Variants in BICC1 observed in about 807,000 individuals in gnomAD.
The protein encoded by BICC1 is protein bicaudal C homolog 1.
BICC1 carries 43 observed loss-of-function variants against 111.0 expected under a neutral mutation model. The observed-to-expected ratio is 0.39, with a 90% CI of 0.30 to 0.50. The LOEUF (loss-of-function observed/expected upper bound fraction) is 0.50. BICC1 is among the 20% of genes least tolerant of loss of function. BICC1 has a pLI of 0.88. For missense variants in BICC1, 1,091 were observed against 1,203.2 expected (o/e 0.91, Z 1.38); for synonymous variants, 467 against 434.4 (o/e 1.07, Z -0.93).
rs769244104 is a variant in BICC1 at position 58,513,281 on chromosome 10, G to T, written c.138G>T (p.Trp46Cys). 3.7e-6 allele frequency: 6 copies of T among 1,612,366 alleles called. No individual in the cohort carries two copies. The highest frequency in any genetic ancestry group is 5.1e-6 in the Non-Finnish European group (6 of 1,179,144). The change falls in exon 1 of 21, where the codon TGG (tryptophan) becomes TGT (cysteine). Residue 46 changes from tryptophan to cysteine, a missense_variant. This residue lies in a region of BICC1 where 843 missense variants were observed against 900.8 expected (regional missense o/e 0.94). Transcript: ENST00000373886. ...GGGCGACCCTGCACAGCCCGGAGTG[G>T]AGCGAGGAGCGCTTCCGCGTGGACA... is the stretch of plus-strand genomic sequence containing the variant. ...VAGATLHSPEWSEERFRVDRK... is the reference protein window; with the variant it reads ...VAGATLHSPECSEERFRVDRK...
intron 1 of BICC1, among the ~76,000 whole-genome samples, chr10:58,567,316 G>A (rs1843798624): frequency 6.6e-6 from 1 of 151,946 alleles, no homozygotes; most frequent in Non-Finnish European, 1.5e-5. Flanking sequence ...TCTCCCATAA[G>A]CTCTCAAAAA....
chr10:58,788,271 C>A, intron 5 of BICC1, 99 bp from the exon 6 acceptor site: 2 of 859,674 alleles, frequency 2.3e-6, no homozygotes, highest in Non-Finnish European at 3.8e-6. Context: ...TGTATTTGTC[C>A]CTGGATGACA....
intron 1 of BICC1, among the ~76,000 whole-genome samples, chr10:58,540,772 C>T (rs1459815914): frequency 6.6e-6 from 1 of 152,074 alleles, no homozygotes; most frequent in Non-Finnish European, 1.5e-5. Flanking sequence ...GTCAACATTA[C>T]TCTGATACCA....
intron 18 of BICC1, 27 bp from the exon 19 acceptor site, chr10:58,817,535 C>G: frequency 6.2e-7 from 1 of 1,612,694 alleles, no homozygotes; most frequent in Non-Finnish European, 8.5e-7. Flanking sequence ...ATTTACACTT[C>G]AAGCCTGTCT....
chr10:58,524,403 A>G (rs533503737), intron 1 of BICC1, among the ~76,000 whole-genome samples: 7 of 152,216 alleles, frequency 4.6e-5, no homozygotes, highest in Admixed American at 1.3e-4. Flanking sequence ...CCGCATATCT[A>G]CAACCATCTG....
rs560694516 is a variant in BICC1, at chr10:58,770,285, T to C, written c.308-14716T>C. ...GAGTCATAATATTCTAGTCTGACAT[T>C]TTTTCTTTTTTTGAGAAACAGTGAG... is the stretch of plus-strand genomic sequence containing the variant. On this transcript the variant is annotated intron_variant, in intron 3 of 20. Coordinates refer to ENST00000373886, the MANE Select transcript of BICC1 (RefSeq NM_001080512.3). Among the ~76,000 whole-genome samples, 3 of 152,204 alleles carry C rather than the reference T, an allele frequency of 2.0e-5. No individual in the cohort carries two copies. The South Asian group carries it at 6.2e-4, about 32-fold the overall frequency.
chr10:58,551,596 TC>T (rs1483737492), intron 1 of BICC1, among the ~76,000 whole-genome samples: 6 of 152,220 alleles, frequency 3.9e-5, no homozygotes, highest in Non-Finnish European at 5.9e-5. Flanking sequence ...AACTTACTTT[TC>T]TTGTCTGTGT....
chr10:58,599,868 A>G (rs1233604458), intron 1 of BICC1, among the ~76,000 whole-genome samples: 1 of 152,020 alleles, frequency 6.6e-6, no homozygotes, highest in East Asian at 1.9e-4. Flanking sequence ...TGTCCCCCAA[A>G]CATCACTCCT....
At chr10:58,795,490 C>T (rs1843324039) in intron 9 of BICC1, among the ~76,000 whole-genome samples, 1 of 152,106 alleles carries the variant, frequency 6.6e-6, no homozygotes, top group African/African-American at 2.4e-5. Flanking sequence ...TTAAGATGGA[C>T]AGTCAGAAGA....
At chr10:58,756,785 T>C (rs1445352474) in intron 3 of BICC1, among the ~76,000 whole-genome samples, 1 of 152,164 alleles carries the variant, frequency 6.6e-6, no homozygotes, top group Non-Finnish European at 1.5e-5. Flanking sequence ...TTGAACACTT[T>C]AGCAACATTA....
chr10:58,693,690 C>T (rs1448701411), intron 2 of BICC1, among the ~76,000 whole-genome samples: 2 of 151,982 alleles, frequency 1.3e-5, no homozygotes, highest in Admixed American at 1.3e-4. Context: ...TATCCTTTGC[C>T]CGCTTTTTGA....
Position 58,594,519 on chromosome 10 carries a change from C to T in BICC1, c.191-26336C>T, listed in dbSNP as rs536392053. ...AAAGGGAAGCCCATCAGACTAACAG[C>T]GGATCTCTCCGTAGAAACCCTACAA... On this transcript the variant is annotated intron_variant, in intron 1 of 20. Transcript: ENST00000373886. 9.2e-5 allele frequency among the ~76,000 whole-genome samples: 14 copies of T among 152,276 alleles called. No homozygotes were observed. In the South Asian group the frequency reaches 1.9e-3, roughly 20 times the overall value.
chr10:58,677,172 C>T (rs1269608331), intron 2 of BICC1, among the ~76,000 whole-genome samples: 1 of 152,138 alleles, frequency 6.6e-6, no homozygotes, highest in African/African-American at 2.4e-5. Context: ...TCCTCGCCAG[C>T]AAAGGAACAA....
At chr10:58,815,327 A>G (rs1422450763) in intron 18 of BICC1, among the ~76,000 whole-genome samples, 3 of 152,202 alleles carry the variant, frequency 2.0e-5, no homozygotes, top group African/African-American at 7.2e-5. Flanking sequence ...TTCATTCCTA[A>G]GTACACTGTC....
chr10:58,626,194 T>C (rs555570757), intron 2 of BICC1, among the ~76,000 whole-genome samples: 2 of 152,292 alleles, frequency 1.3e-5, no homozygotes, highest in African/African-American at 4.8e-5. Flanking sequence ...CAGCATTACA[T>C]TGTTGGTCCC....
chr10:58,534,467 C>G (rs1253689874), intron 1 of BICC1, among the ~76,000 whole-genome samples: 1 of 151,648 alleles, frequency 6.6e-6, no homozygotes, highest in East Asian at 1.9e-4. Context: ...CAAAGATTCT[C>G]TATAACCAAG....
intron 2 of BICC1, among the ~76,000 whole-genome samples, chr10:58,678,109 C>T (rs1306992546): frequency 2.0e-5 from 3 of 152,250 alleles, no homozygotes; most frequent in African/African-American, 2.4e-5. Flanking sequence ...TAAACACCAT[C>T]GATGCTAGGA....
chr10:58,793,447 T>G (rs781671071), intron 8 of BICC1, 37 bp from the exon 9 acceptor site: 9 of 1,571,428 alleles, frequency 5.7e-6, no homozygotes, highest in Non-Finnish European at 7.8e-6. Context: ...ATGATTAAAT[T>G]TTTACCTCCT....
At chr10:58,669,383 T>C (rs1460666419) in intron 2 of BICC1, among the ~76,000 whole-genome samples, 1 of 152,146 alleles carries the variant, frequency 6.6e-6, no homozygotes, top group African/African-American at 2.4e-5. Context: ...ATTTGGAGCA[T>C]CTGAATTTGT....
Sources: gnomAD v4.1 joint callset for allele counts (sites outside exome capture counted in the v4.1 genomes callset) on GRCh38, gnomAD v4.1.1 for gene constraint, gnomAD v4.1.1 regional missense constraint, MANE v1.5 for transcripts, NCBI Gene and HGNC (gene_info 2026-07-23, HGNC 2026-07-21) for gene names.